Variants in SATB2 observed in about 807,000 individuals in gnomAD.
The protein encoded by SATB2 is SATB homeobox 2, also known as DNA-binding protein SATB2.
In SATB2, 1 loss-of-function variant was observed where a neutral mutation model predicts 73.4. The observed-to-expected ratio is 0.01, with a 90% CI of 0.00 to 0.06. The LOEUF is 0.06. Among genes scored for constraint, SATB2 ranks in the 10% least tolerant of loss-of-function variants. The probability of loss-of-function intolerance (pLI) is 1.00; values close to 1 mark genes in which losing one functional copy is unlikely to be tolerated. For synonymous variants in SATB2, 397 were observed against 367.0 expected, an observed-to-expected ratio of 1.08 and a Z score of -0.93; for missense variants, 459 against 945.8, an observed-to-expected ratio of 0.49 and a Z score of 6.75.
At chr2:199,417,116 G>T (rs1327195278) in intron 3 of SATB2, among the ~76,000 whole-genome samples, 1 of 151,058 alleles carries the variant, frequency 6.6e-6, no homozygotes, top group African/African-American at 2.4e-5. Flanking sequence ...CTGTCTTTAG[G>T]TGTGCTGTGC....
chr2:199,393,622 T>C (rs1227152950), intron 3 of SATB2, among the ~76,000 whole-genome samples: 1 of 152,104 alleles, frequency 6.6e-6, no homozygotes, highest in African/African-American at 2.4e-5. Context: ...CTTTGGAGAT[T>C]AATAATGATA....
At chr2:199,391,236 G>A (rs1690124211) in intron 3 of SATB2, among the ~76,000 whole-genome samples, 1 of 151,980 alleles carries the variant, frequency 6.6e-6, no homozygotes, top group African/African-American at 2.4e-5. Flanking sequence ...ACAAGGGACA[G>A]AGATCGAGAA....
intron 6 of SATB2, among the ~76,000 whole-genome samples, chr2:199,363,742 C>G (rs554891227): frequency 2.0e-5 from 3 of 152,210 alleles, no homozygotes; most frequent in African/African-American, 7.2e-5. Context: ...TCACTTTGTA[C>G]CCTGTAAACA....
chr2:199,379,401 C>A (rs1298464907), intron 5 of SATB2, among the ~76,000 whole-genome samples: 1 of 152,186 alleles, frequency 6.6e-6, no homozygotes, highest in African/African-American at 2.4e-5. Context: ...ACCAGACAGG[C>A]AAAAGGCCCA....
chr2:199,353,503 T>C (rs2105829781), intron 6 of SATB2, among the ~76,000 whole-genome samples: 1 of 152,230 alleles, frequency 6.6e-6, no homozygotes, highest in East Asian at 1.9e-4. Flanking sequence ...GCTGCCACTC[T>C]CATAAAAATA....
intron 10 of SATB2, among the ~76,000 whole-genome samples, chr2:199,287,771 TTTTG>T (rs1211350454): frequency 1.3e-5 from 2 of 152,148 alleles, no homozygotes; most frequent in African/African-American, 4.8e-5. Context: ...CTTTATCATC[TTTTG>T]TTTTTCTTAC....
chr2:199,305,088 A>C (rs886351154), intron 10 of SATB2, among the ~76,000 whole-genome samples: 4 of 152,198 alleles, frequency 2.6e-5, no homozygotes, highest in Non-Finnish European at 4.4e-5. Context: ...CCATGGGGCA[A>C]AGGCACTTGT....
At chr2:199,439,052 G>A (rs983006220) in intron 2 of SATB2, among the ~76,000 whole-genome samples, 1 of 152,222 alleles carries the variant, frequency 6.6e-6, no homozygotes, top group Non-Finnish European at 1.5e-5. Context: ...TGTCCAATGG[G>A]TGACCTGTAC....
intron 8 of SATB2, among the ~76,000 whole-genome samples, chr2:199,328,324 T>C (rs1339891340): frequency 6.6e-6 from 1 of 152,160 alleles, no homozygotes; most frequent in African/African-American, 2.4e-5. Context: ...GCGGATCACC[T>C]GAGGTCAGGA....
intron 3 of SATB2, among the ~76,000 whole-genome samples, chr2:199,417,384 G>GTCCCAGATGTGCTTTGAGGCAGT (rs1691026291): frequency 6.6e-6 from 1 of 152,120 alleles, no homozygotes; most frequent in Non-Finnish European, 1.5e-5. Context: ...GCTCCACATA[G>GTCCCAGATGTGCTTTGAGGCAGT]TCCCAGATGT....
intron 7 of SATB2, among the ~76,000 whole-genome samples, chr2:199,346,275 AAGT>A (rs1688649165): frequency 1.3e-5 from 2 of 151,188 alleles, no homozygotes; most frequent in Non-Finnish European, 1.5e-5. Context: ...TCAGCCTCCC[AAGT>A]AGCTGGGATT....
chr2:199,459,266 C>G (rs973258212), upstream of SATB2, among the ~76,000 whole-genome samples: 1 of 151,880 alleles, frequency 6.6e-6, no homozygotes, highest in Admixed American at 6.5e-5. The surrounding 1 kb of genome is among the most constrained non-coding windows in gnomAD (Gnocchi z 4.2). Context: ...CGCACAGGAG[C>G]GTCCCCAGCA....
Position 199,272,011 on chromosome 2 carries a change from T to G in SATB2, c.*200A>C. 1.6e-6 allele frequency: 1 copy of G among 618,914 alleles called. No homozygotes were observed. Among genetic ancestry groups the G allele is most frequent in the Non-Finnish European group, 2.8e-6 (1 of 351,464 alleles). The allele number at this position is 618,914 out of a possible 1,614,324, so 38.3% of individuals were successfully genotyped here. A position where few individuals can be genotyped will look rare whatever the true frequency, so the allele number is the denominator to read the frequency against. On this transcript the variant is annotated 3_prime_UTR_variant, in exon 11 of 11. Coordinates refer to ENST00000417098, the MANE Select transcript of SATB2 (RefSeq NM_001172509.2). This position sits in a 1 kb window ranked among gnomAD's most constrained non-coding sequence, Gnocchi z 6.7. ...GATGTCTGATTCGGAAATACTGAAC[T>G]TATTCAGTCTATAGGTGTATCCTGT...
intron 3 of SATB2, among the ~76,000 whole-genome samples, chr2:199,404,863 A>G (rs929295496): frequency 6.6e-6 from 1 of 152,170 alleles, no homozygotes; most frequent in African/African-American, 2.4e-5. Context: ...AAGAGCTTTA[A>G]ACTTGTAAAT....
At chr2:199,303,067 A>G (rs1282315311) in intron 10 of SATB2, among the ~76,000 whole-genome samples, 5 of 152,230 alleles carry the variant, frequency 3.3e-5, no homozygotes, top group African/African-American at 1.2e-4. Context: ...TCTGCATCAC[A>G]GCAGACAGCT....
At chr2:199,416,920 C>G (rs1691005730) in intron 3 of SATB2, among the ~76,000 whole-genome samples, 1 of 151,904 alleles carries the variant, frequency 6.6e-6, no homozygotes, top group African/African-American at 2.4e-5. Flanking sequence ...CCTGTGGTCC[C>G]AGCTACTCCG....
intron 10 of SATB2, among the ~76,000 whole-genome samples, chr2:199,305,955 T>C (rs1400281765): frequency 6.6e-6 from 1 of 151,692 alleles, no homozygotes; most frequent in Non-Finnish European, 1.5e-5. Context: ...TAGTTAACAA[T>C]TTAATAATGG....
chr2:199,302,228 T>C (rs1687307444), intron 10 of SATB2, among the ~76,000 whole-genome samples: 1 of 152,160 alleles, frequency 6.6e-6, no homozygotes, highest in Non-Finnish European at 1.5e-5. Flanking sequence ...TCTTCAGCTT[T>C]GTGATTATCA....
intron 2 of SATB2, among the ~76,000 whole-genome samples, chr2:199,443,574 A>G (rs182230534): frequency 6.6e-6 from 1 of 152,264 alleles, no homozygotes. Context: ...TCCCTCACAA[A>G]AAGAAAATCC....
Sources: gnomAD v4.1 joint callset for allele counts (sites outside exome capture counted in the v4.1 genomes callset) on GRCh38, gnomAD v4.1.1 for gene constraint, Gnocchi (gnomAD v3.1) non-coding constraint, MANE v1.5 for transcripts, NCBI Gene and HGNC (gene_info 2026-07-23, HGNC 2026-07-21) for gene names.